MYH9: variants seen among roughly 807,000 people sequenced by gnomAD.
MYH9 encodes myosin-9.
MYH9 carries 29 observed loss-of-function variants against 241.9 expected under a neutral mutation model. The observed-to-expected ratio is 0.12, with a 90% CI of 0.09 to 0.16. MYH9 has a LOEUF of 0.16. Among genes scored for constraint, MYH9 ranks in the 10% least tolerant of loss-of-function variants. MYH9 has a pLI of 1.00. For missense variants in MYH9, 1,803 were observed against 2,595.5 expected (o/e 0.69, Z 6.63); for synonymous variants, 1,047 against 1,062.6 (o/e 0.99, Z 0.29).
In MYH9 at chr22:36,320,821, G is replaced by T; in HGVS notation, c.845C>A (p.Ser282Tyr). Residue 282 changes from serine to tyrosine, a missense_variant, in exon 8 of 41, where the codon TCT becomes TAT. Ser to Tyr is a moderately radical substitution (Grantham distance 144). This residue lies in a region of MYH9 where 222 missense variants were observed against 359.9 expected (regional missense o/e 0.62). Transcript: ENST00000216181. The surrounding 1 kb of genome is among the most constrained non-coding windows in gnomAD (Gnocchi z 4.8). ...ACTCTTCAGGTGCTCTCCAGCCCCA[G>T]ACAGGAGATAATAGAAGATGTGGAA... ...RTFHIFYYLL[S>Y]GAGEHLKTDL... is the part of the protein sequence containing the mutation. The T allele has an allele frequency of 6.2e-7, 1 of 1,614,100 alleles. No individual in the cohort carries two copies. The highest frequency in any genetic ancestry group is 8.5e-7 in the Non-Finnish European group (1 of 1,179,958).
chr22:36,294,133 G>A lies in MYH9; in HGVS notation c.3796C>T (p.Arg1266Cys), dbSNP rs755308451. The A allele has an allele frequency of 2.3e-5, 37 of 1,611,542 alleles. No homozygotes were observed. The highest frequency in any genetic ancestry group is 2.7e-5 in the Non-Finnish European group (32 of 1,180,030). The change falls in exon 28 of 41, where the codon CGC (arginine) becomes TGC (cysteine). Residue 1266 changes from arginine to cysteine, a missense_variant. This residue lies in a region of MYH9 where 876 missense variants were observed against 1,077.8 expected (regional missense o/e 0.81). Transcript: ENST00000216181. ...TTGTCGGCCAGCTCTGTGCGCACGC[G>A]CTCTCCCTCGTTGAACTTGACCTGC... ...ELQVKFNEGE[R>C]VRTELADKVT... is the part of the protein sequence containing the mutation.
chr22:36,320,094 A>G lies in MYH9; in HGVS notation c.1012+126T>C. ...TGAGGAATCATTTTCCCATACACTGAAGGCCTTCCCCTTCCCCTGGCCTCT... is the reference window on the plus strand; with the variant it reads ...TGAGGAATCATTTTCCCATACACTGGAGGCCTTCCCCTTCCCCTGGCCTCT... On this transcript the variant is annotated intron_variant, in intron 9 of 40. Coordinates refer to ENST00000216181, the MANE Select transcript of MYH9 (RefSeq NM_002473.6). The surrounding 1 kb of genome is among the most constrained non-coding windows in gnomAD (Gnocchi z 4.8). 7.6e-7 allele frequency: 1 copy of G among 1,309,924 alleles called. No homozygotes were observed. 81.1% of individuals were successfully genotyped at this position (1,309,924 alleles called of 1,614,324 possible). A position where few individuals can be genotyped will look rare whatever the true frequency, so the allele number is the denominator to read the frequency against.
At chr22:36,353,691 G>A (rs1165762581) in intron 1 of MYH9, among the ~76,000 whole-genome samples, 1 of 152,044 alleles carries the variant, frequency 6.6e-6, no homozygotes, top group Admixed American at 6.6e-5. Flanking sequence ...AAAAGTTTTT[G>A]AAAATAAAAG....
intron 1 of MYH9, among the ~76,000 whole-genome samples, chr22:36,364,097 G>T (rs2017974560): frequency 6.6e-6 from 1 of 152,180 alleles, no homozygotes; most frequent in Admixed American, 6.5e-5. Context: ...TCCACATCAC[G>T]ACTGCTGAGA....
chr22:36,378,404 G>A (rs5750254), intron 1 of MYH9, among the ~76,000 whole-genome samples: 50,694 of 152,082 alleles, frequency 0.33, 9,418 homozygotes, highest in East Asian at 0.83. Flanking sequence ...GAGAAAAGGC[G>A]GGGGGTCTGC....
rs1217158604 is a variant in MYH9, at chr22:36,300,905, C to T, written c.2784G>A (p.Glu928=). ...CCGCCTGCAGGTGCTGGCAGCGCTCCTCCTCCTCCTCCACCCTGGCCTCTA... is the reference window on the plus strand; with the variant it reads ...CCGCCTGCAGGTGCTGGCAGCGCTCTTCCTCCTCCTCCACCCTGGCCTCTA... The part of the protein sequence containing the change: ...HDLEARVEEE[E]ERCQHLQAEK... Residue 928 remains glutamate (E), a synonymous_variant, in exon 22 of 41, where the codon GAG becomes GAA. Transcript: ENST00000216181. This position sits in a 1 kb window ranked among gnomAD's most constrained non-coding sequence, Gnocchi z 5.0. The T allele has an allele frequency of 3.1e-6, 5 of 1,607,292 alleles. No homozygotes were observed. The highest frequency in any genetic ancestry group is 3.3e-4 in the Middle Eastern group (2 of 6,062).
intron 2 of MYH9, 49 bp from the exon 3 acceptor site, chr22:36,341,575 A>C: frequency 1.6e-5 from 26 of 1,598,946 alleles, no homozygotes; most frequent in Non-Finnish European, 2.1e-5. Context: ...TTTGATTCTC[A>C]GTAGTGTACA....
chr22:36,321,973 C>T, intron 6 of MYH9, 152 bp from the exon 7 acceptor site: 2 of 722,762 alleles, frequency 2.8e-6, no homozygotes, highest in Non-Finnish European at 5.0e-6. Context: ...AGGCCAGGGG[C>T]CCCCTACGCC....
In MYH9 at chr22:36,285,959, A is replaced by G. The variant is rs1208069863; in HGVS notation, c.5062-6T>C. On this transcript the variant is annotated splice_polypyrimidine_tract_variant and splice_region_variant and intron_variant, in intron 35 of 40. Coordinates refer to ENST00000216181, the MANE Select transcript of MYH9 (RefSeq NM_002473.6). The surrounding 1 kb of genome is among the most constrained non-coding windows in gnomAD (Gnocchi z 7.0). ...CGCTCCGCGGCTGCCAGTTCCTGCC[A>G]CAAAGACCCAGAGTGTGACCTAAAG... 3 of 1,609,696 alleles carry G rather than the reference A, an allele frequency of 1.9e-6. No homozygotes were observed. The highest frequency in any genetic ancestry group is 2.7e-5 in the African/African-American group (2 of 74,764).
At position 36,349,015 on chromosome 22, in the gene MYH9, C is replaced by T; in HGVS notation, c.222G>A (p.Lys74=). ...CCTTGGAGAACTTGGGCGGGTTCATCTTCTGGATGTCATCCTTGTTCACCT... is the reference window on the plus strand; with the variant it reads ...CCTTGGAGAACTTGGGCGGGTTCATTTTCTGGATGTCATCCTTGTTCACCT... The part of the protein sequence containing the change: ...KVKVNKDDIQ[K]MNPPKFSKVE... Residue 74 remains lysine, a synonymous_variant, in exon 2 of 41, where the codon AAG becomes AAA. Transcript: ENST00000216181. 2 of 1,614,250 alleles carry T rather than the reference C, an allele frequency of 1.2e-6. No individual in the cohort carries two copies. Among genetic ancestry groups the T allele is most frequent in the Non-Finnish European group, 1.7e-6 (2 of 1,180,050 alleles).
intron 15 of MYH9, chr22:36,309,011 G>C: frequency 2.8e-6 from 1 of 352,890 alleles, no homozygotes; most frequent in Non-Finnish European, 4.0e-6. Context: ...TGGGAGCCTG[G>C]GCTTCGAGGC....
chr22:36,309,359 A>G lies in MYH9; in HGVS notation c.1766T>C (p.Met589Thr). The change falls in exon 15 of 41, where the codon ATG (methionine) becomes ACG (threonine). Residue 589 changes from methionine to threonine, a missense_variant. Around this residue, in one of 11 missense-constraint regions of MYH9, gnomAD observed 163 missense variants for 349.7 expected, o/e 0.47. Coordinates refer to ENST00000216181, the MANE Select transcript of MYH9 (RefSeq NM_002473.6). ...YKADEWLMKN[M>T]DPLNDNIATL... Reference sequence around the variant, plus strand: ...GGCGATGTTGTCATTCAGGGGATCCATGTTCTTCATCAGCCACTCGTCAGC... The same window carrying G: ...GGCGATGTTGTCATTCAGGGGATCCGTGTTCTTCATCAGCCACTCGTCAGC... 6.2e-7 allele frequency: 1 copy of G among 1,614,190 alleles called. No homozygotes were observed. The highest frequency in any genetic ancestry group is 8.5e-7 in the Non-Finnish European group (1 of 1,180,040).
rs2016966836 is a variant in MYH9 at position 36,306,192 on chromosome 22, CA to C, written c.2038-142del. On this transcript the variant is annotated intron_variant, in intron 16 of 40. Transcript: ENST00000216181. This position sits in a 1 kb window ranked among gnomAD's most constrained non-coding sequence, Gnocchi z 4.1. ...AGCCCACAGGTTTGGACAATGAAGTCAAAGGATCCAGGTCTGGGAGGGGCCA... is the reference window on the plus strand; with the variant it reads ...AGCCCACAGGTTTGGACAATGAAGTCAAGGATCCAGGTCTGGGAGGGGCCA... 1 of 1,435,522 alleles carries C rather than the reference CA, an allele frequency of 7.0e-7. No individual in the cohort carries two copies. Among genetic ancestry groups the C allele is most frequent in the Non-Finnish European group, 9.6e-7 (1 of 1,041,196 alleles). The allele number at this position is 1,435,522 out of a possible 1,614,324, so 88.9% of individuals were successfully genotyped here.
Position 36,387,543 on chromosome 22 carries a change from C to T in MYH9, c.-20+264G>A, listed in dbSNP as rs553270454. On this transcript the variant is annotated intron_variant, in intron 1 of 40. Transcript: ENST00000216181. ...CCGCGCCGGGGGACACGGGGGGCGC[C>T]GGGGAGCGCCGGGTCCCGAGGCCGC... 9.0e-3 allele frequency among the ~76,000 whole-genome samples: 1,368 copies of T among 151,446 alleles called. 21 individuals are homozygous for T. The highest frequency in any genetic ancestry group is 0.031 in the African/African-American group (1,266 of 41,396).
chr22:36,341,223 A>T, intron 3 of MYH9, 147 bp downstream of exon 3: 1 of 947,956 alleles, frequency 1.1e-6, no homozygotes, highest in East Asian at 2.6e-5. Flanking sequence ...TGGCTTTCAT[A>T]CAGAGGTCTA....
Position 36,295,881 on chromosome 22 carries a change from G to C in MYH9, c.3273-164C>G, listed in dbSNP as rs2239786. Among the ~76,000 whole-genome samples, 17,035 of 152,224 alleles carry C rather than the reference G, an allele frequency of 0.11. 2,110 individuals carry two copies. The highest frequency in any genetic ancestry group is 0.3 in the African/African-American group (12,617 of 41,498). On this transcript the variant is annotated intron_variant, in intron 25 of 40. Coordinates refer to ENST00000216181, the MANE Select transcript of MYH9 (RefSeq NM_002473.6). This position sits in a 1 kb window ranked among gnomAD's most constrained non-coding sequence, Gnocchi z 4.1. ...GCAGAAACAACATCTGAGACAACCAGATTGAAGGGCAACACCCCTCTGAGA... is the reference window on the plus strand; with the variant it reads ...GCAGAAACAACATCTGAGACAACCACATTGAAGGGCAACACCCCTCTGAGA...
At position 36,306,187 on chromosome 22, in the gene MYH9, G is replaced by T; in HGVS notation, c.2038-136C>A. ...GCTACAGCCCACAGGTTTGGACAAT[G>T]AAGTCAAAGGATCCAGGTCTGGGAG... On this transcript the variant is annotated intron_variant, in intron 16 of 40. Transcript: ENST00000216181. This position sits in a 1 kb window ranked among gnomAD's most constrained non-coding sequence, Gnocchi z 4.1. 1 of 1,443,784 alleles carries T rather than the reference G, an allele frequency of 6.9e-7. No individual in the cohort carries two copies. The highest frequency in any genetic ancestry group is 9.5e-7 in the Non-Finnish European group (1 of 1,047,334). The allele number at this position is 1,443,784 out of a possible 1,614,324, so 89.4% of individuals were successfully genotyped here. A position where few individuals can be genotyped will look rare whatever the true frequency, so the allele number is the denominator to read the frequency against.
At position 36,282,197 on chromosome 22, in the gene MYH9, T is replaced by A; in HGVS notation, c.*471A>T. Reference sequence around the variant, plus strand: ...CAGAGGTGTGTGAGGTCACCACGTGTGATTGCAAACAGCAAAGAAAGGAGG... The same window carrying A: ...CAGAGGTGTGTGAGGTCACCACGTGAGATTGCAAACAGCAAAGAAAGGAGG... On this transcript the variant is annotated 3_prime_UTR_variant, in exon 41 of 41. Transcript: ENST00000216181. 3.0e-6 allele frequency: 1 copy of A among 338,382 alleles called. No individual in the cohort carries two copies. The highest frequency in any genetic ancestry group is 5.6e-6 in the Non-Finnish European group (1 of 179,658). 21.0% of individuals were successfully genotyped at this position (338,382 alleles called of 1,614,324 possible). A position where few individuals can be genotyped will look rare whatever the true frequency, so the allele number is the denominator to read the frequency against.
intron 2 of MYH9, among the ~76,000 whole-genome samples, chr22:36,343,759 G>A (rs1372992621): frequency 6.6e-6 from 1 of 152,286 alleles, no homozygotes; most frequent in East Asian, 1.9e-4. Flanking sequence ...AGGCATTTCA[G>A]GAGGAAGAGA....
Sources: allele counts gnomAD v4.1 joint callset (sites outside exome capture counted in the v4.1 genomes callset), GRCh38; gene constraint gnomAD v4.1.1; regional missense constraint gnomAD v4.1.1; non-coding constraint Gnocchi (gnomAD v3.1); transcripts MANE v1.5; gene names NCBI Gene and HGNC (gene_info 2026-07-23, HGNC 2026-07-21).